The following KIFC1 variants were observed in gnomAD, a reference collection of about 807,000 sequenced individuals.
KIFC1 encodes the protein kinesin-like protein KIFC1.
In KIFC1, 37 loss-of-function variants were observed where a neutral mutation model predicts 66.6. The observed-to-expected ratio is 0.56, with a 90% CI of 0.43 to 0.73. The LOEUF (loss-of-function observed/expected upper bound fraction) is 0.73, where lower values mean the gene tolerates loss of function less well. Among genes scored for constraint, KIFC1 ranks in the 30% least tolerant of loss-of-function variants. The pLI, the probability that KIFC1 is intolerant of heterozygous loss-of-function variation, is 0.00. For missense variants in KIFC1, 721 were observed against 859.8 expected, an observed-to-expected ratio of 0.84 and a Z score of 2.02; for synonymous variants, 325 against 343.5, an observed-to-expected ratio of 0.95 and a Z score of 0.60.
Position 33,400,837 on chromosome 6 carries a change from A to G in KIFC1, c.250+2450A>G, listed in dbSNP as rs929750463. 1.2e-4 allele frequency among the ~76,000 whole-genome samples: 18 copies of G among 152,110 alleles called. No homozygotes were observed. Among genetic ancestry groups the G allele is most frequent in the African/African-American group, 4.3e-4 (18 of 41,430 alleles). ...AATTTTGTTTTTTTGTATTTTTAAT[A>G]GAGACAGGGTTTCACCATGTTAGCC... On this transcript the variant is annotated intron_variant, in intron 3 of 10. Transcript: ENST00000428849. This position sits in a 1 kb window ranked among gnomAD's most constrained non-coding sequence, Gnocchi z 4.3.
At position 33,406,559 on chromosome 6, in the gene KIFC1, TC is replaced by T. The variant is rs766122027; in HGVS notation, c.1828-31del. The T allele has an allele frequency of 6.2e-7, 1 of 1,613,766 alleles. No homozygotes were observed. The highest frequency in any genetic ancestry group is 8.5e-7 in the Non-Finnish European group (1 of 1,179,776). ...GTTGGCTGTGCAGAACCCTGCCTAT[TC>T]CTAAACATCTGTCCCCACCTCAATC... On this transcript the variant is annotated intron_variant, in intron 8 of 10. Coordinates refer to ENST00000428849, the MANE Select transcript of KIFC1 (RefSeq NM_002263.4). The surrounding 1 kb of genome is among the most constrained non-coding windows in gnomAD (Gnocchi z 4.5).
Position 33,398,298 on chromosome 6 carries a change from G to A in KIFC1, c.161G>A (p.Arg54Lys). The part of the protein sequence containing the change: ...DGLEPEKKRT[R>K]GLGATTKITT... ...TTTATCTTTCCCCAGAAACGGACAAGAGGCCTGGGTGCAACGACCAAAATT... is the reference window on the plus strand; with the variant it reads ...TTTATCTTTCCCCAGAAACGGACAAAAGGCCTGGGTGCAACGACCAAAATT... Residue 54 changes from arginine (R) to lysine (K), a missense_variant, in exon 3 of 11, where the codon AGA (arginine) becomes AAA (lysine). Coordinates refer to ENST00000428849, the MANE Select transcript of KIFC1 (RefSeq NM_002263.4). 6.2e-7 allele frequency: 1 copy of A among 1,614,072 alleles called. No homozygotes were observed. The highest frequency in any genetic ancestry group is 8.5e-7 in the Non-Finnish European group (1 of 1,180,014).
At position 33,405,679 on chromosome 6, in the gene KIFC1, G is replaced by A. The variant is rs1775612273; in HGVS notation, c.1536+48G>A. 1 of 1,452,308 alleles carries A rather than the reference G, an allele frequency of 6.9e-7. No homozygotes were observed. The allele number at this position is 1,452,308 out of a possible 1,614,324, so 90.0% of individuals were successfully genotyped here. On this transcript the variant is annotated intron_variant, in intron 7 of 10. Transcript: ENST00000428849. This position sits in a 1 kb window ranked among gnomAD's most constrained non-coding sequence, Gnocchi z 5.4. ...ACTGGGAAATGGGGAGGAGTGGGCA[G>A]GGTGCCACGAGATGGAGGTAGAGGG...
chr6:33,409,576 G>A, intron 10 of KIFC1, 70 bp from the exon 11 acceptor site: 1 of 1,447,404 alleles, frequency 6.9e-7, no homozygotes, highest in Non-Finnish European at 9.7e-7. Flanking sequence ...TTGGAGGATG[G>A]GAGATCTTGG....
Position 33,400,085 on chromosome 6 carries a change from C to T in KIFC1, c.250+1698C>T. The T allele has an allele frequency of 2.6e-6, 2 of 765,396 alleles. No homozygotes were observed. The highest frequency in any genetic ancestry group is 4.7e-6 in the Non-Finnish European group (2 of 422,896). The allele number at this position is 765,396 out of a possible 1,614,324, so 47.4% of individuals were successfully genotyped here. A position where few individuals can be genotyped will look rare whatever the true frequency, so the allele number is the denominator to read the frequency against. ...TAACTAGCTGGGCATTCCACAGCAC[C>T]ACTGTTGATGTCATCTATGATGTCA... On this transcript the variant is annotated intron_variant, in intron 3 of 10. Transcript: ENST00000428849. This position sits in a 1 kb window ranked among gnomAD's most constrained non-coding sequence, Gnocchi z 4.3.
chr6:33,409,710 T>TATCCA lies in KIFC1; in HGVS notation c.*20_*21insATCCA, dbSNP rs1775840007. 1 of 454,884 alleles carries TATCCA rather than the reference T, an allele frequency of 2.2e-6. No homozygotes were observed. The allele number at this position is 454,884 out of a possible 1,614,324, so 28.2% of individuals were successfully genotyped here. On this transcript the variant is annotated 3_prime_UTR_variant, in exon 11 of 11. Transcript: ENST00000428849. Reference sequence around the variant, plus strand: ...AAGTGAAGACGGATCCAGATCTGTGTGTGTGTGTGTGTGTGTGTGTGTGTG... The same window carrying TATCCA: ...AAGTGAAGACGGATCCAGATCTGTGTATCCAGTGTGTGTGTGTGTGTGTGTGTGTG...
chr6:33,403,241 C>G lies in KIFC1; in HGVS notation c.251-73C>G. 1 of 1,348,676 alleles carries G rather than the reference C, an allele frequency of 7.4e-7. No individual in the cohort carries two copies. The highest frequency in any genetic ancestry group is 1.2e-5 in the South Asian group (1 of 85,528). 83.5% of individuals were successfully genotyped at this position (1,348,676 alleles called of 1,614,324 possible). On this transcript the variant is annotated intron_variant, in intron 3 of 10. Transcript: ENST00000428849. The surrounding 1 kb of genome is among the most constrained non-coding windows in gnomAD (Gnocchi z 4.6). ...TTCTGAGAAAAGCACTTCTTCTGCC[C>G]CTGTCCTAGCAAGTGTACATGCCAT...
In KIFC1 at chr6:33,391,948, C is replaced by CA; in HGVS notation, c.-37dup. On this transcript the variant is annotated 5_prime_UTR_variant, in exon 1 of 11. Transcript: ENST00000428849. Reference sequence around the variant, plus strand: ...GGATCCCCGGCACCCAGTTCTCTTCCACTGCATTCCCCCGGCGCGTGTGGG... The same window carrying CA: ...GGATCCCCGGCACCCAGTTCTCTTCCAACTGCATTCCCCCGGCGCGTGTGGG... 1 of 1,613,726 alleles carries CA rather than the reference C, an allele frequency of 6.2e-7. No individual in the cohort carries two copies. The highest frequency in any genetic ancestry group is 1.7e-4 in the Middle Eastern group (1 of 6,060).
Position 33,398,407 on chromosome 6 carries a change from A to G in KIFC1, c.250+20A>G. 3 of 1,542,032 alleles carry G rather than the reference A, an allele frequency of 1.9e-6. No homozygotes were observed. Among genetic ancestry groups the G allele is most frequent in the Non-Finnish European group, 2.7e-6 (3 of 1,114,460 alleles). ...CCACAGGTGGGCTCTCAGGATGGATAGACTCCAAGGACATGGAAGTCCAGT... is the reference window on the plus strand; with the variant it reads ...CCACAGGTGGGCTCTCAGGATGGATGGACTCCAAGGACATGGAAGTCCAGT... On this transcript the variant is annotated intron_variant, in intron 3 of 10. Transcript: ENST00000428849.
At position 33,406,098 on chromosome 6, in the gene KIFC1, G is replaced by A; in HGVS notation, c.1537-98G>A. On this transcript the variant is annotated intron_variant, in intron 7 of 10. Coordinates refer to ENST00000428849, the MANE Select transcript of KIFC1 (RefSeq NM_002263.4). The surrounding 1 kb of genome is among the most constrained non-coding windows in gnomAD (Gnocchi z 4.5). ...ATTTTGTTTCTTGACAGGCTAGAAA[G>A]CTTCAAGAGGGTGGGGGTGGGCTCT... 8.9e-7 allele frequency: 1 copy of A among 1,124,704 alleles called. No individual in the cohort carries two copies. The highest frequency in any genetic ancestry group is 1.6e-5 in the African/African-American group (1 of 64,374). The allele number at this position is 1,124,704 out of a possible 1,614,324, so 69.7% of individuals were successfully genotyped here.
Position 33,400,581 on chromosome 6 carries a change from A to T in KIFC1, c.250+2194A>T. The stretch of plus-strand genomic sequence containing the variant: ...TGGTGGAGGCAGCTGGTGTCGGATG[A>T]ACCCAGATTCAGGATGACCGAAGAA... On this transcript the variant is annotated intron_variant, in intron 3 of 10. Transcript: ENST00000428849. This position sits in a 1 kb window ranked among gnomAD's most constrained non-coding sequence, Gnocchi z 4.3. The T allele has an allele frequency of 8.2e-7, 1 of 1,219,248 alleles. No homozygotes were observed. Among genetic ancestry groups the T allele is most frequent in the Non-Finnish European group, 1.2e-6 (1 of 839,912 alleles). 75.5% of individuals were successfully genotyped at this position (1,219,248 alleles called of 1,614,324 possible).
In KIFC1 at chr6:33,401,889, G is replaced by T. The variant is rs1464231336; in HGVS notation, c.251-1425G>T. On this transcript the variant is annotated intron_variant, in intron 3 of 10. Transcript: ENST00000428849. This position sits in a 1 kb window ranked among gnomAD's most constrained non-coding sequence, Gnocchi z 4.5. ...GTTAATTTTGTTTTTGTATTTTTAG[G>T]AGAGACGGGGTTTCACCGTGTTAGC... is the stretch of plus-strand genomic sequence containing the variant. Among the ~76,000 whole-genome samples, 5 of 151,670 alleles carry T rather than the reference G, an allele frequency of 3.3e-5. No homozygotes were observed. Among genetic ancestry groups the T allele is most frequent in the African/African-American group, 1.2e-4 (5 of 41,230 alleles).
In KIFC1 at chr6:33,406,382, G is replaced by C. The variant is rs201396332; in HGVS notation, c.1723G>C (p.Gly575Arg). The C allele has an allele frequency of 5.0e-6, 8 of 1,613,162 alleles. No individual in the cohort carries two copies. The highest frequency in any genetic ancestry group is 6.8e-6 in the Non-Finnish European group (8 of 1,179,260). ...GGCCGGGAGTGAGCGACTTGACCCC[G>C]GCTTAGCCCTCGGCCCCGGGGAGCG... Reference protein sequence around the residue: ...DLAGSERLDPGLALGPGERER... With the variant: ...DLAGSERLDPRLALGPGERER... Residue 575 changes from glycine to arginine, a missense_variant, in exon 8 of 11, where the codon GGC becomes CGC. Transcript: ENST00000428849. This position sits in a 1 kb window ranked among gnomAD's most constrained non-coding sequence, Gnocchi z 4.5.
chr6:33,391,992 C>T lies in KIFC1; in HGVS notation c.7C>T (p.Pro3Ser), dbSNP rs1399208164. 1.2e-6 allele frequency: 2 copies of T among 1,613,850 alleles called. No individual in the cohort carries two copies. The highest frequency in any genetic ancestry group is 2.7e-5 in the African/African-American group (2 of 74,934). The change falls in exon 1 of 11, where the codon CCG (proline) becomes TCG (serine). Residue 3 changes from proline (P) to serine (S), a missense_variant. Coordinates refer to ENST00000428849, the MANE Select transcript of KIFC1 (RefSeq NM_002263.4). MD[P>S]QRSPLLEVKG... ...GTGTGGGACCGAGGTGGACATGGAT[C>T]CGCAGGTGAGTAGGGGCGGCGCAGG... is the stretch of plus-strand genomic sequence containing the variant.
Position 33,391,896 on chromosome 6 carries a change from C to G in KIFC1, c.-90C>G. ...CGTGCGAGTTCTCTACCCTGCTTCG[C>G]GAGCGGGCGAGAGAACGCGAGTCCC... On this transcript the variant is annotated 5_prime_UTR_variant, in exon 1 of 11. Transcript: ENST00000428849. 6.6e-7 allele frequency: 1 copy of G among 1,520,538 alleles called. No individual in the cohort carries two copies. 94.2% of individuals were successfully genotyped at this position (1,520,538 alleles called of 1,614,324 possible). A position where few individuals can be genotyped will look rare whatever the true frequency, so the allele number is the denominator to read the frequency against.
chr6:33,400,049 T>A lies in KIFC1; in HGVS notation c.250+1662T>A, dbSNP rs534852740. 1.6e-4 allele frequency: 112 copies of A among 689,280 alleles called. No homozygotes were observed. The highest frequency in any genetic ancestry group is 1.1e-3 in the South Asian group (67 of 63,374). The allele number at this position is 689,280 out of a possible 1,614,324, so 42.7% of individuals were successfully genotyped here. On this transcript the variant is annotated intron_variant, in intron 3 of 10. Transcript: ENST00000428849. This position sits in a 1 kb window ranked among gnomAD's most constrained non-coding sequence, Gnocchi z 4.3. Reference sequence around the variant, plus strand: ...CAAATGATCCTTTATTGAAATATTTTCCTTTGTGCTTAACTAGCTGGGCAT... The same window carrying A: ...CAAATGATCCTTTATTGAAATATTTACCTTTGTGCTTAACTAGCTGGGCAT...
Position 33,406,176 on chromosome 6 carries a change from C to A in KIFC1, c.1537-20C>A, listed in dbSNP as rs111461772. ...ACTGACTTCTGCCTGCCTTTTTGCCCCTTCTGCTCCCATCCCCAGGTGGAC... is the reference window on the plus strand; with the variant it reads ...ACTGACTTCTGCCTGCCTTTTTGCCACTTCTGCTCCCATCCCCAGGTGGAC... On this transcript the variant is annotated intron_variant, in intron 7 of 10. Transcript: ENST00000428849. This position sits in a 1 kb window ranked among gnomAD's most constrained non-coding sequence, Gnocchi z 4.5. 0.037 allele frequency: 57,727 copies of A among 1,573,358 alleles called. 1,424 individuals are homozygous for A. The highest frequency in any genetic ancestry group is 0.046 in the Non-Finnish European group (52,923 of 1,157,796).
At chr6:33,398,224 A>G in intron 2 of KIFC1, 58 bp downstream of exon 2, 1 of 1,613,594 alleles carries the variant, frequency 6.2e-7, no homozygotes, top group Non-Finnish European at 8.5e-7. Context: ...TGTGAAAGAA[A>G]GGAGAGAGAG....
At chr6:33,393,364 T>C (rs1475668769) in intron 1 of KIFC1, among the ~76,000 whole-genome samples, 1 of 151,906 alleles carries the variant, frequency 6.6e-6, no homozygotes, top group East Asian at 1.9e-4. Context: ...TGGGGAATCA[T>C]TGGATGATTT....
Sources: gnomAD v4.1 joint callset for allele counts (sites outside exome capture counted in the v4.1 genomes callset) on GRCh38, gnomAD v4.1.1 for gene constraint, Gnocchi (gnomAD v3.1) non-coding constraint, MANE v1.5 for transcripts, NCBI Gene and HGNC (gene_info 2026-07-23, HGNC 2026-07-21) for gene names.